DCDC1: variants seen among roughly 807,000 people sequenced by gnomAD.
The protein encoded by DCDC1 is doublecortin domain containing 1, also known as doublecortin domain-containing protein 1.
In DCDC1, 200 loss-of-function variants were observed where a neutral mutation model predicts 178.3. The ratio of observed to expected loss-of-function variants is 1.12; its 90% confidence interval spans 1.00 to 1.26. DCDC1 has a LOEUF of 1.26. Ranked by LOEUF, DCDC1 falls within the 50% of genes most tolerant of loss-of-function variation. DCDC1 has a pLI of 0.00. For missense variants in DCDC1, 1,983 were observed against 1,749.2 expected (o/e 1.13, Z -2.38); for synonymous variants, 690 against 604.8 (o/e 1.14, Z -2.07).
At position 31,273,056 on chromosome 11, in the gene DCDC1, A is replaced by G. The variant is rs189005739; in HGVS notation, c.961-7456T>C. Among the ~76,000 whole-genome samples, 4 of 152,118 alleles carry G rather than the reference A, an allele frequency of 2.6e-5. No homozygotes were observed. The East Asian group carries it at 7.8e-4, about 30-fold the overall frequency. ...TCCCTAGACTGCAATGTAGTATGGGACCCTGGGCCCGGCCCACGAACCATT... is the reference window on the plus strand; with the variant it reads ...TCCCTAGACTGCAATGTAGTATGGGGCCCTGGGCCCGGCCCACGAACCATT... On this transcript the variant is annotated intron_variant, in intron 7 of 38. Coordinates refer to ENST00000684477, the MANE Select transcript of DCDC1 (RefSeq NM_001387274.1).
At chr11:31,312,099 C>T (rs1948804401) in intron 3 of DCDC1, among the ~76,000 whole-genome samples, 1 of 152,046 alleles carries the variant, frequency 6.6e-6, no homozygotes, top group African/African-American at 2.4e-5. Flanking sequence ...GTGGGTAGAG[C>T]CCTAAGGAGT....
chr11:31,058,965 T>A (rs1248059260), intron 20 of DCDC1, among the ~76,000 whole-genome samples: 1 of 152,106 alleles, frequency 6.6e-6, no homozygotes, highest in East Asian at 1.9e-4. Flanking sequence ...GTTTGGGGGC[T>A]GCAAGTTTGA....
intron 6 of DCDC1, among the ~76,000 whole-genome samples, chr11:31,299,580 A>G (rs934011866): frequency 2.0e-5 from 3 of 152,162 alleles, no homozygotes; most frequent in African/African-American, 7.2e-5. Context: ...TCACATTCCC[A>G]TATCATGCTG....
chr11:31,137,902 T>C (rs939753412), intron 9 of DCDC1, 118 bp from the exon 10 acceptor site: 2 of 574,856 alleles, frequency 3.5e-6, no homozygotes, highest in African/African-American at 1.9e-5. Context: ...ATTTTGATGA[T>C]ACGTACATGA....
intron 11 of DCDC1, among the ~76,000 whole-genome samples, chr11:31,121,407 C>A (rs1248227991): frequency 6.8e-6 from 1 of 147,590 alleles, no homozygotes; most frequent in African/African-American, 2.5e-5. Flanking sequence ...CACACAGAGG[C>A]TGCTCCCGGT....
At chr11:31,172,898 G>C (rs974251072) in intron 9 of DCDC1, among the ~76,000 whole-genome samples, 1 of 152,042 alleles carries the variant, frequency 6.6e-6, no homozygotes, top group South Asian at 2.1e-4. Context: ...TTCAAGGATC[G>C]ACTGTAGTTA....
chr11:31,163,770 A>G (rs534024040), intron 9 of DCDC1, among the ~76,000 whole-genome samples: 2 of 152,308 alleles, frequency 1.3e-5, no homozygotes, highest in African/African-American at 4.8e-5. Context: ...ATGCTTAGAA[A>G]TTCTCATCTG....
At position 30,978,809 on chromosome 11, in the gene DCDC1, C is replaced by CACACACAA. The variant is rs1950238793; in HGVS notation, c.2592-26242_2592-26241insTTGTGTGT. On this transcript the variant is annotated intron_variant, in intron 20 of 38. Transcript: ENST00000684477. The stretch of plus-strand genomic sequence containing the variant: ...ACACACACACACACACACACACACA[C>CACACACAA]ACACACACACACACACACCCCCTTC... Among the ~76,000 whole-genome samples the CACACACAA allele has an allele frequency of 2.0e-5, 3 of 146,484 alleles. No homozygotes were observed. In the East Asian group the frequency reaches 5.9e-4, roughly 29 times the overall value.
intron 3 of DCDC1, 28 bp downstream of exon 3, chr11:31,328,089 G>A: frequency 3.8e-6 from 6 of 1,577,236 alleles, no homozygotes; most frequent in South Asian, 1.1e-5. Context: ...TCAGTATTTA[G>A]TTTAAGCTGC....
intron 7 of DCDC1, among the ~76,000 whole-genome samples, chr11:31,289,170 T>C (rs1224815736): frequency 6.6e-6 from 1 of 152,008 alleles, no homozygotes; most frequent in Non-Finnish European, 1.5e-5. Flanking sequence ...TCTAAGAACA[T>C]ATAATCTGTA....
In DCDC1 at chr11:31,199,237, C is replaced by A. The variant is rs368986341; in HGVS notation, c.1221+42213G>T. 2.0e-5 allele frequency among the ~76,000 whole-genome samples: 3 copies of A among 152,158 alleles called. No homozygotes were observed. In the South Asian group the frequency reaches 6.2e-4, roughly 32 times the overall value. On this transcript the variant is annotated intron_variant, in intron 9 of 38. Coordinates refer to ENST00000684477, the MANE Select transcript of DCDC1 (RefSeq NM_001387274.1). ...ACTCCCTGGAAAAGCCTCTTGAGTA[C>A]TAACAATCACAAACATCCAGAAAGC...
chr11:31,096,151 A>G (rs1009822036), intron 15 of DCDC1, among the ~76,000 whole-genome samples: 2 of 152,216 alleles, frequency 1.3e-5, no homozygotes, highest in African/African-American at 2.4e-5. Context: ...TCTCAAGAGA[A>G]GAAAACGTCA....
At chr11:31,240,567 G>A (rs1565484105) in intron 9 of DCDC1, among the ~76,000 whole-genome samples, 1 of 151,960 alleles carries the variant, frequency 6.6e-6, no homozygotes, top group Non-Finnish European at 1.5e-5. Context: ...TCTGCAAGCA[G>A]AGAATAATAT....
intron 9 of DCDC1, among the ~76,000 whole-genome samples, chr11:31,216,710 A>G (rs1273303200): frequency 6.6e-6 from 1 of 152,174 alleles, no homozygotes; most frequent in Non-Finnish European, 1.5e-5. Flanking sequence ...ATAAGCCCAG[A>G]CAGTACTAGT....
chr11:31,254,423 G>A (rs1177949082), intron 8 of DCDC1, among the ~76,000 whole-genome samples: 2 of 152,148 alleles, frequency 1.3e-5, no homozygotes, highest in Non-Finnish European at 2.9e-5. Context: ...CAAAAAAATT[G>A]AGGGATATTT....
intron 11 of DCDC1, among the ~76,000 whole-genome samples, chr11:31,126,672 T>C (rs1961675431): frequency 6.6e-6 from 1 of 152,194 alleles, no homozygotes; most frequent in Non-Finnish European, 1.5e-5. Flanking sequence ...GTAACCATGA[T>C]TTCTTAAATG....
At chr11:31,254,454 A>G (rs1203301074) in intron 8 of DCDC1, among the ~76,000 whole-genome samples, 1 of 152,254 alleles carries the variant, frequency 6.6e-6, no homozygotes, top group Admixed American at 6.5e-5. Context: ...CTCTGACAAT[A>G]CAAAGGATTA....
At chr11:30,920,620 T>C (rs1946182350) in intron 25 of DCDC1, among the ~76,000 whole-genome samples, 156 bp downstream of exon 25, 1 of 152,170 alleles carries the variant, frequency 6.6e-6, no homozygotes, top group African/African-American at 2.4e-5. Flanking sequence ...AGTTGTATCA[T>C]TTTGCCGGAA....
chr11:30,974,178 T>A (rs1949974505), intron 20 of DCDC1, among the ~76,000 whole-genome samples: 1 of 150,778 alleles, frequency 6.6e-6, no homozygotes, highest in Non-Finnish European at 1.5e-5. Context: ...AAAAAGTTAT[T>A]GAAAAAATGC....
Sources: gnomAD v4.1 joint callset for allele counts (sites outside exome capture counted in the v4.1 genomes callset) on GRCh38, gnomAD v4.1.1 for gene constraint, MANE v1.5 for transcripts, NCBI Gene and HGNC (gene_info 2026-07-23, HGNC 2026-07-21) for gene names.